TBL1Y: variants seen among roughly 807,000 people sequenced by gnomAD.
TBL1Y encodes F-box-like/WD repeat-containing protein TBL1Y.
Under a neutral mutation model 12.0 loss-of-function variants are expected in TBL1Y, and 15 were observed. The ratio of observed to expected loss-of-function variants is 1.25; its 90% CI spans 0.83 to 1.92. The LOEUF (loss-of-function observed/expected upper bound fraction) is 1.92. TBL1Y is among the 40% of genes most tolerant of loss of function. The probability of loss-of-function intolerance (pLI) is 0.00; values close to 1 mark genes in which losing one functional copy is unlikely to be tolerated. For missense variants in TBL1Y, 148 were observed against 116.7 expected, an observed-to-expected ratio of 1.27 and a Z score of -1.24; for synonymous variants, 53 against 42.6, an observed-to-expected ratio of 1.24 and a Z score of -0.95.
intron 7 of TBL1Y, among the ~76,000 whole-genome samples, chrY:7,063,114 G>A: frequency 3.0e-5 from 1 of 33,656 alleles, no homozygotes; most frequent in Non-Finnish European, 7.4e-5. Flanking sequence ...AAGGGGTGGG[G>A]CATGACTTCT....
intron 6 of TBL1Y, among the ~76,000 whole-genome samples, chrY:7,042,063 T>C: frequency 3.0e-5 from 1 of 33,348 alleles, no homozygotes; most frequent in Non-Finnish European, 7.4e-5. Flanking sequence ...CCAGTATCTA[T>C]TAGAAAAGAT....
chrY:7,009,163 T>C (rs2012503154), intron 4 of TBL1Y, among the ~76,000 whole-genome samples: 1 of 34,041 alleles, frequency 2.9e-5, no homozygotes. Flanking sequence ...GAATCAGAAT[T>C]CTTACAAGCA....
At chrY:6,915,515 C>T in intron 2 of TBL1Y, among the ~76,000 whole-genome samples, 5 of 33,238 alleles carry the variant, frequency 1.5e-4, no homozygotes, top group South Asian at 1.4e-3. Context: ...GGGGAAAAAC[C>T]GAACTGTGTG....
intron 6 of TBL1Y, among the ~76,000 whole-genome samples, chrY:7,030,740 ATAGAT>A (rs2012650331): frequency 3.0e-5 from 1 of 33,571 alleles, no homozygotes; most frequent in East Asian, 7.9e-4. Context: ...GACAGGCTAG[ATAGAT>A]TAGACAGATT....
In TBL1Y at chrY:6,977,317, A is replaced by G. The variant is rs749491154; in HGVS notation, c.-265-896A>G. ...TCATCCCACCTCCTGTTGTTGACAG[A>G]TGACACCTGCACAATCAGGTCCTCC... is the stretch of plus-strand genomic sequence containing the variant. On this transcript the variant is annotated intron_variant, in intron 2 of 18. Coordinates refer to ENST00000383032, the MANE Select transcript of TBL1Y (RefSeq NM_033284.2). Among the ~76,000 whole-genome samples the G allele has an allele frequency of 1.2e-4, 4 of 33,327 alleles. No individual in the cohort carries two copies. The East Asian group carries it at 3.2e-3, about 27-fold the overall frequency. 89.4% of individuals were successfully genotyped at this position (33,327 alleles called of 37,273 possible).
At chrY:6,998,260 C>T (rs898064533) in intron 4 of TBL1Y, among the ~76,000 whole-genome samples, 1 of 33,521 alleles carries the variant, frequency 3.0e-5, no homozygotes, top group Non-Finnish European at 7.4e-5. Context: ...CCTGTTGAGT[C>T]CGTAGTCATC....
intron 7 of TBL1Y, among the ~76,000 whole-genome samples, chrY:7,054,113 G>T (rs2012813577): frequency 3.0e-5 from 1 of 33,811 alleles, no homozygotes; most frequent in Non-Finnish European, 7.3e-5. Flanking sequence ...CTCCTGGCTG[G>T]CTCACCAAAA....
At chrY:7,044,350 C>T (rs2012746135) in intron 7 of TBL1Y, among the ~76,000 whole-genome samples, 1 of 33,120 alleles carries the variant, frequency 3.0e-5, no homozygotes, top group Admixed American at 2.7e-4. Context: ...AGTGCTGGGG[C>T]CACAGGCATG....
intron 2 of TBL1Y, among the ~76,000 whole-genome samples, chrY:6,934,136 T>C (rs778464055): frequency 5.4e-4 from 18 of 33,122 alleles, no homozygotes; most frequent in Non-Finnish European, 1.1e-3. Context: ...CATTTACCAG[T>C]GAAAAGTAAA....
intron 7 of TBL1Y, among the ~76,000 whole-genome samples, chrY:7,059,371 T>G: frequency 3.0e-5 from 1 of 32,845 alleles, no homozygotes; most frequent in Middle Eastern, 0.014. Context: ...TTTCTTAGCT[T>G]TAGTTTGGTA....
chrY:7,049,454 C>T (rs2012782565), intron 7 of TBL1Y, among the ~76,000 whole-genome samples: 1 of 33,644 alleles, frequency 3.0e-5, no homozygotes, highest in Non-Finnish European at 7.4e-5. Context: ...CACCGTCTTC[C>T]ACAATGATTG....
At chrY:7,015,310 C>T (rs904900813) in intron 4 of TBL1Y, among the ~76,000 whole-genome samples, 1 of 32,919 alleles carries the variant, frequency 3.0e-5, no homozygotes, top group Non-Finnish European at 7.4e-5. Flanking sequence ...TCTGCATGGG[C>T]ACTCAGACAC....
chrY:6,932,641 T>G, intron 2 of TBL1Y, among the ~76,000 whole-genome samples: 1 of 32,553 alleles, frequency 3.1e-5, no homozygotes, highest in South Asian at 7.1e-4. Context: ...CCCGGCTAAT[T>G]TTTGTATTTT....
At chrY:6,939,196 A>G (rs112463148) in intron 2 of TBL1Y, among the ~76,000 whole-genome samples, 26 of 33,249 alleles carry the variant, frequency 7.8e-4, no homozygotes, top group African/African-American at 3.1e-3. Flanking sequence ...TGATTGGTGC[A>G]TTTACAAACC....
At chrY:6,984,482 G>C in intron 3 of TBL1Y, among the ~76,000 whole-genome samples, 1 of 33,315 alleles carries the variant, frequency 3.0e-5, no homozygotes, top group Non-Finnish European at 7.4e-5. Context: ...TCTTGCCCAG[G>C]TGGCCCCTTC....
intron 18 of TBL1Y, among the ~76,000 whole-genome samples, chrY:7,090,853 G>A: frequency 3.0e-5 from 1 of 33,898 alleles, no homozygotes; most frequent in Middle Eastern, 0.013. Flanking sequence ...GTACATGACT[G>A]CTTAGTTGGG....
intron 7 of TBL1Y, among the ~76,000 whole-genome samples, chrY:7,060,640 T>G: frequency 3.0e-5 from 1 of 33,042 alleles, no homozygotes; most frequent in Non-Finnish European, 7.4e-5. Context: ...TTACTTTTGT[T>G]GAAAACCGTG....
chrY:7,060,494 CT>C (rs747458348), intron 7 of TBL1Y, among the ~76,000 whole-genome samples: 5 of 26,030 alleles, frequency 1.9e-4, no homozygotes, highest in East Asian at 1.9e-3. Flanking sequence ...CTCCCCCTGC[CT>C]TTTTTTTTTT....
chrY:6,927,266 G>C (rs777647090), intron 2 of TBL1Y, among the ~76,000 whole-genome samples: 26 of 32,559 alleles, frequency 8.0e-4, no homozygotes, highest in African/African-American at 3.1e-3. Context: ...CTCTTATTGC[G>C]TAGGCTGGAG....
Sources: allele counts gnomAD v4.1 joint callset (sites outside exome capture counted in the v4.1 genomes callset), GRCh38; gene constraint gnomAD v4.1.1; transcripts MANE v1.5; gene names NCBI Gene and HGNC (gene_info 2026-07-23, HGNC 2026-07-21).